Variants in SPECC1 observed in about 807,000 individuals in gnomAD.
SPECC1 encodes the protein cytospin-B.
A neutral mutation model predicts 104.1 loss-of-function variants in SPECC1; 62 were observed. The observed-to-expected ratio is 0.60, with a 90% CI of 0.49 to 0.74. SPECC1 has a LOEUF of 0.74. SPECC1 is among the 30% of genes least tolerant of loss of function. The pLI, the probability that SPECC1 is intolerant of heterozygous loss-of-function variation, is 0.00. For synonymous variants in SPECC1, 513 were observed against 501.6 expected, an observed-to-expected ratio of 1.02 and a Z score of -0.30; for missense variants, 1,306 against 1,310.5, an observed-to-expected ratio of 1.00 and a Z score of 0.05.
intron 3 of SPECC1, among the ~76,000 whole-genome samples, chr17:20,119,065 T>A (rs1241853200): frequency 2.6e-5 from 4 of 152,198 alleles, no homozygotes; most frequent in Non-Finnish European, 5.9e-5. Context: ...TACAGTGATG[T>A]TGGGAAAAAG....
chr17:20,312,111 A>G (rs1400319145), intron 14 of SPECC1, among the ~76,000 whole-genome samples: 1 of 152,150 alleles, frequency 6.6e-6, no homozygotes, highest in African/African-American at 2.4e-5. Flanking sequence ...GTATCAGGAT[A>G]ATGTTGGGAT....
At chr17:20,232,942 G>A (rs1369541721) in intron 7 of SPECC1, among the ~76,000 whole-genome samples, 1 of 152,170 alleles carries the variant, frequency 6.6e-6, no homozygotes, top group Non-Finnish European at 1.5e-5. Context: ...CATGCATTTG[G>A]CTGATGTGTG....
intron 10 of SPECC1, 29 bp downstream of exon 10, chr17:20,253,615 G>T: frequency 6.2e-7 from 1 of 1,604,596 alleles, no homozygotes; most frequent in South Asian, 1.1e-5. Flanking sequence ...AAGAACTTTT[G>T]ACTTATCTTT....
chr17:20,185,306 G>A (rs1357562686), intron 3 of SPECC1: 1 of 152,300 alleles, frequency 6.6e-6, no homozygotes, highest in Non-Finnish European at 1.5e-5. Context: ...GTAGAAGAGG[G>A]TGGAAGTGCT....
intron 3 of SPECC1, among the ~76,000 whole-genome samples, chr17:20,167,219 T>C (rs2033731305): frequency 6.7e-6 from 1 of 148,422 alleles, no homozygotes; most frequent in Non-Finnish European, 1.5e-5. Context: ...ATATACTATA[T>C]ATATAATGTA....
At chr17:20,254,727 C>T (rs1317439964) in intron 10 of SPECC1, among the ~76,000 whole-genome samples, 1 of 150,164 alleles carries the variant, frequency 6.7e-6, no homozygotes, top group Admixed American at 6.6e-5. Flanking sequence ...GGATAGAAAG[C>T]CAAAAGTCTG....
chr17:20,275,642 A>G (rs2040551875), intron 12 of SPECC1, among the ~76,000 whole-genome samples: 1 of 152,296 alleles, frequency 6.6e-6, no homozygotes, highest in East Asian at 1.9e-4. Flanking sequence ...AAGACTTAAC[A>G]TTTTTCCTGG....
rs764013164 is a variant in SPECC1, at chr17:20,204,556, A to G, written c.507A>G (p.Gln169=). The G allele has an allele frequency of 2.5e-6, 4 of 1,614,218 alleles. No individual in the cohort carries two copies. The highest frequency in any genetic ancestry group is 1.1e-5 in the South Asian group (1 of 91,078). The change falls in exon 4 of 15, where the codon CAA becomes CAG. Residue 169 remains glutamine (Q), a synonymous_variant. Transcript: ENST00000395527. Reference sequence around the variant, plus strand: ...GAGAAAAGGCTGCGCTTGAGTCCCAAGTTCGGGAACTTTTGGCAGAAGCCA... The same window carrying G: ...GAGAAAAGGCTGCGCTTGAGTCCCAGGTTCGGGAACTTTTGGCAGAAGCCA... ...EGGEKAALES[Q]VRELLAEAKA...
At chr17:20,104,157 A>G (rs1045788966) in intron 2 of SPECC1, among the ~76,000 whole-genome samples, 3 of 152,178 alleles carry the variant, frequency 2.0e-5, no homozygotes, top group Non-Finnish European at 4.4e-5. Flanking sequence ...TGGGCCCTTA[A>G]TGGTGCAGTT....
At chr17:20,251,596 AAAT>A (rs1310031327) in intron 9 of SPECC1, among the ~76,000 whole-genome samples, 1 of 152,252 alleles carries the variant, frequency 6.6e-6, no homozygotes, top group East Asian at 1.9e-4. Context: ...CTCTAAGAGA[AAAT>A]AATGTTCTGG....
At chr17:20,236,124 GCT>G (rs1030730949) in intron 7 of SPECC1, among the ~76,000 whole-genome samples, 2 of 152,148 alleles carry the variant, frequency 1.3e-5, no homozygotes, top group Non-Finnish European at 2.9e-5. Flanking sequence ...TGCCACAGAT[GCT>G]CTGATACTGA....
intron 3 of SPECC1, among the ~76,000 whole-genome samples, chr17:20,127,983 T>C (rs148672265): frequency 6.6e-6 from 1 of 152,188 alleles, no homozygotes; most frequent in East Asian, 1.9e-4. Context: ...TTTAATATCC[T>C]AAAATGAAAT....
chr17:20,226,765 C>T (rs905161591), intron 4 of SPECC1, among the ~76,000 whole-genome samples: 7 of 152,090 alleles, frequency 4.6e-5, no homozygotes, highest in African/African-American at 9.7e-5. Flanking sequence ...TGCCTTCCGC[C>T]GACATTCTCT....
At chr17:20,134,935 A>T (rs1287519346) in intron 3 of SPECC1, among the ~76,000 whole-genome samples, 1 of 152,230 alleles carries the variant, frequency 6.6e-6, no homozygotes, top group Admixed American at 6.5e-5. Flanking sequence ...CTGTGTAATC[A>T]TCACATTGGA....
intron 3 of SPECC1, among the ~76,000 whole-genome samples, chr17:20,145,014 T>C (rs916056009): frequency 4.6e-5 from 7 of 152,242 alleles, no homozygotes; most frequent in Non-Finnish European, 8.8e-5. Flanking sequence ...TCAAGAAGGA[T>C]GTTCAAGATT....
chr17:20,041,842 G>A (rs888883173), intron 1 of SPECC1, among the ~76,000 whole-genome samples: 1 of 150,982 alleles, frequency 6.6e-6, no homozygotes, highest in African/African-American at 2.4e-5. Context: ...AGCCAGGATG[G>A]TCTCGATCTC....
intron 3 of SPECC1, among the ~76,000 whole-genome samples, chr17:20,181,551 A>G (rs749059296): frequency 1.3e-4 from 20 of 152,186 alleles, no homozygotes; most frequent in Non-Finnish European, 1.3e-4. Flanking sequence ...TAGAAAAAAT[A>G]TAAAACCTGA....
At chr17:20,196,332 T>C (rs2036032075) in intron 3 of SPECC1, among the ~76,000 whole-genome samples, 2 of 152,196 alleles carry the variant, frequency 1.3e-5, no homozygotes, top group South Asian at 4.1e-4. Context: ...GTGTATTAGG[T>C]GTGGAGCCTA....
chr17:20,212,845 AAT>A (rs1420306949), intron 4 of SPECC1, among the ~76,000 whole-genome samples: 2 of 152,224 alleles, frequency 1.3e-5, no homozygotes, highest in Non-Finnish European at 2.9e-5. Flanking sequence ...TAATTATATT[AAT>A]ATGTTTAAAA....
Sources: allele counts gnomAD v4.1 joint callset (sites outside exome capture counted in the v4.1 genomes callset), GRCh38; gene constraint gnomAD v4.1.1; transcripts MANE v1.5; gene names NCBI Gene and HGNC (gene_info 2026-07-23, HGNC 2026-07-21).